GRM8: variants seen among roughly 807,000 people sequenced by gnomAD.
The protein encoded by GRM8 is glutamate metabotropic receptor 8.
GRM8 carries 47 observed loss-of-function variants against 87.2 expected under a neutral mutation model. The observed-to-expected ratio is 0.54, with a 90% CI of 0.43 to 0.69. GRM8 has a LOEUF of 0.69. Ranked by LOEUF, GRM8 falls within the 30% of genes least tolerant of loss-of-function variation. GRM8 has a pLI of 0.00. For synonymous variants in GRM8, 396 were observed against 404.5 expected (o/e 0.98, Z 0.25); for missense variants, 1,019 against 1,139.2 (o/e 0.89, Z 1.52).
At chr7:126,827,387 C>T (rs1011559396) in intron 6 of GRM8, among the ~76,000 whole-genome samples, 4 of 152,168 alleles carry the variant, frequency 2.6e-5, no homozygotes, top group African/African-American at 9.7e-5. Flanking sequence ...TCTTTTATTT[C>T]ACTGAGCAGT....
At chr7:127,080,535 T>C (rs1287513713) in intron 3 of GRM8, among the ~76,000 whole-genome samples, 1 of 152,148 alleles carries the variant, frequency 6.6e-6, no homozygotes, top group Non-Finnish European at 1.5e-5. Context: ...TCTAACTCAG[T>C]CATTGTAATC....
chr7:126,531,380 G>A (rs1245929033), intron 9 of GRM8, among the ~76,000 whole-genome samples: 3 of 152,104 alleles, frequency 2.0e-5, no homozygotes, highest in Non-Finnish European at 4.4e-5. Context: ...GATTTAGTTT[G>A]ATTTCAGAAA....
chr7:126,839,528 T>C (rs1441135944), intron 6 of GRM8, among the ~76,000 whole-genome samples: 1 of 152,124 alleles, frequency 6.6e-6, no homozygotes, highest in African/African-American at 2.4e-5. Flanking sequence ...ATTGAATACA[T>C]TCACATTTAG....
chr7:127,113,563 C>T (rs1010393452), intron 2 of GRM8, among the ~76,000 whole-genome samples: 6 of 151,930 alleles, frequency 3.9e-5, no homozygotes, highest in African/African-American at 7.3e-5. Context: ...AGTAGGTTGG[C>T]GGGGTGGGTT....
In GRM8 at chr7:126,677,244, G is replaced by A. The variant is rs79057851; in HGVS notation, c.1358-67746C>T. Among the ~76,000 whole-genome samples the A allele has an allele frequency of 1.4e-3, 209 of 152,010 alleles. 1 individual carries two copies. Among genetic ancestry groups the A allele is most frequent in the African/African-American group, 4.8e-3 (199 of 41,468 alleles). ...TAGTGAAAGGGAACACTTACACACC[G>A]GAGATTGGAATATAAACTAGTACAG... On this transcript the variant is annotated intron_variant, in intron 7 of 10. Transcript: ENST00000339582.
chr7:126,682,152 A>G (rs1563087177), intron 7 of GRM8, among the ~76,000 whole-genome samples: 1 of 152,238 alleles, frequency 6.6e-6, no homozygotes, highest in Non-Finnish European at 1.5e-5. Context: ...ATAAATGCTT[A>G]TACACGTTTA....
intron 6 of GRM8, among the ~76,000 whole-genome samples, chr7:126,893,491 A>T (rs1801260917): frequency 6.6e-6 from 1 of 152,000 alleles, no homozygotes; most frequent in Admixed American, 6.6e-5. Flanking sequence ...AATATTTATC[A>T]AATGCATGCC....
chr7:126,704,418 A>G (rs1462584678), intron 7 of GRM8, among the ~76,000 whole-genome samples: 1 of 152,160 alleles, frequency 6.6e-6, no homozygotes, highest in African/African-American at 2.4e-5. Flanking sequence ...CAAATTGTAG[A>G]GCATGTGTGT....
chr7:126,892,464 A>T (rs1406739095), intron 6 of GRM8, among the ~76,000 whole-genome samples: 3 of 152,030 alleles, frequency 2.0e-5, no homozygotes, highest in Non-Finnish European at 4.4e-5. Context: ...AAGGACATGA[A>T]CTCATCATTT....
intron 3 of GRM8, among the ~76,000 whole-genome samples, chr7:127,024,321 T>G (rs1316092458): frequency 6.6e-6 from 1 of 152,106 alleles, no homozygotes; most frequent in African/African-American, 2.4e-5. Flanking sequence ...TAGCAATTAT[T>G]TCACAATTGC....
chr7:127,176,463 GATC>G (rs1794114935), intron 2 of GRM8, among the ~76,000 whole-genome samples: 1 of 152,092 alleles, frequency 6.6e-6, no homozygotes, highest in East Asian at 1.9e-4. Flanking sequence ...ACTCAAGTGG[GATC>G]ATCATGGCAG....
At chr7:126,831,016 C>T (rs934850644) in intron 6 of GRM8, among the ~76,000 whole-genome samples, 30 of 152,186 alleles carry the variant, frequency 2.0e-4, no homozygotes, top group African/African-American at 4.1e-4. Flanking sequence ...TGCAGAACCG[C>T]GGATTTTCGT....
chr7:127,000,638 C>A lies in GRM8; in HGVS notation c.728-95955G>T, dbSNP rs142104928. On this transcript the variant is annotated intron_variant, in intron 3 of 10. Transcript: ENST00000339582. ...ATTCCACTTATATGGTGTATAAATA[C>A]CTAGAATTGGAAAATTTCCCTAGAA... 2.6e-3 allele frequency among the ~76,000 whole-genome samples: 398 copies of A among 151,608 alleles called. 4 individuals are homozygous for A. The highest frequency in any genetic ancestry group is 9.2e-3 in the African/African-American group (382 of 41,442).
At chr7:127,051,211 T>C (rs1819434686) in intron 3 of GRM8, among the ~76,000 whole-genome samples, 1 of 152,188 alleles carries the variant, frequency 6.6e-6, no homozygotes, top group Non-Finnish European at 1.5e-5. Flanking sequence ...GGCCCCACTC[T>C]GGGTGTACAG....
chr7:127,041,788 T>C (rs1476291421), intron 3 of GRM8, among the ~76,000 whole-genome samples: 2 of 152,180 alleles, frequency 1.3e-5, no homozygotes, highest in Non-Finnish European at 2.9e-5. Flanking sequence ...TTTATGCAAA[T>C]GAACGATGGA....
chr7:126,745,690 C>G (rs1309043729), intron 7 of GRM8, among the ~76,000 whole-genome samples: 1 of 151,464 alleles, frequency 6.6e-6, no homozygotes, highest in East Asian at 1.9e-4. Flanking sequence ...AAGCTTCATT[C>G]TTTTCTATTC....
chr7:126,948,789 C>G (rs1807824661), intron 3 of GRM8, among the ~76,000 whole-genome samples: 1 of 152,182 alleles, frequency 6.6e-6, no homozygotes, highest in African/African-American at 2.4e-5. Context: ...TGGGCCAGCC[C>G]AAGGACCACA....
intron 3 of GRM8, among the ~76,000 whole-genome samples, chr7:126,931,955 A>G (rs1805812396): frequency 6.6e-6 from 1 of 152,218 alleles, no homozygotes; most frequent in East Asian, 1.9e-4. Flanking sequence ...AACAAATTCC[A>G]AAGCCCTCAT....
intron 6 of GRM8, among the ~76,000 whole-genome samples, chr7:126,825,699 TA>T (rs1055286771): frequency 1.3e-5 from 2 of 152,176 alleles, no homozygotes; most frequent in African/African-American, 4.8e-5. Flanking sequence ...AAACATTGGT[TA>T]AAAAAAGGAA....
Sources: allele counts gnomAD v4.1 joint callset (sites outside exome capture counted in the v4.1 genomes callset), GRCh38; gene constraint gnomAD v4.1.1; transcripts MANE v1.5; gene names NCBI Gene and HGNC (gene_info 2026-07-23, HGNC 2026-07-21).